Variants in CORO1C observed in about 807,000 individuals in gnomAD.
CORO1C encodes coronin 1C, also known as coronin-1C.
Under a neutral mutation model 51.2 loss-of-function variants are expected in CORO1C, and 14 were observed. That is an observed-to-expected ratio of 0.27 (90% confidence interval 0.18 to 0.43). CORO1C has a LOEUF of 0.43. Ranked by LOEUF, CORO1C falls within the 20% of genes least tolerant of loss-of-function variation. The pLI, the probability that CORO1C is intolerant of heterozygous loss-of-function variation, is 1.00. For missense variants in CORO1C, 417 were observed against 607.8 expected, an observed-to-expected ratio of 0.69 and a Z score of 3.30; for synonymous variants, 181 against 210.5, an observed-to-expected ratio of 0.86 and a Z score of 1.21.
chr12:108,648,979 A>G lies in CORO1C; in HGVS notation c.1043T>C (p.Met348Thr). 6.2e-7 allele frequency: 1 copy of G among 1,614,208 alleles called. No homozygotes were observed. The highest frequency in any genetic ancestry group is 8.5e-7 in the Non-Finnish European group (1 of 1,180,038). The change falls in exon 9 of 11, where the codon ATG (methionine) becomes ACG (threonine). Residue 348 changes from methionine to threonine, a missense_variant. Coordinates refer to ENST00000261401, the MANE Select transcript of CORO1C (RefSeq NM_014325.4). ...LHERKCEPIIMTVPRKSDLFQ... is the reference protein window; with the variant it reads ...LHERKCEPIITTVPRKSDLFQ... ...AGCACTCACCTTCCTGGGAACAGTCATAATAATAGGTTCACACTTTCTCTC... is the reference window on the plus strand; with the variant it reads ...AGCACTCACCTTCCTGGGAACAGTCGTAATAATAGGTTCACACTTTCTCTC...
chr12:108,711,457 A>G (rs1361468306), intron 1 of CORO1C, among the ~76,000 whole-genome samples: 1 of 152,158 alleles, frequency 6.6e-6, no homozygotes, highest in Admixed American at 6.5e-5. Context: ...AGACAAGTGG[A>G]TCGCCTGAGG....
chr12:108,655,733 C>T (rs2032933625), intron 6 of CORO1C, among the ~76,000 whole-genome samples: 2 of 152,134 alleles, frequency 1.3e-5, no homozygotes, highest in Admixed American at 6.5e-5. Context: ...CTAGCTACAA[C>T]CTCCACCTCC....
At position 108,678,536 on chromosome 12, in the gene CORO1C, T is replaced by G. The variant is rs976789094; in HGVS notation, c.196-142A>C. ...TGACATCGTATAGTCAATATCAACT[T>G]TCACTTCTAGAAAAAGCCACTACCA... On this transcript the variant is annotated intron_variant, in intron 2 of 10. Coordinates refer to ENST00000261401, the MANE Select transcript of CORO1C (RefSeq NM_014325.4). 5 of 633,398 alleles carry G rather than the reference T, an allele frequency of 7.9e-6. No homozygotes were observed. The African/African-American group carries it at 9.4e-5, about 12-fold the overall frequency. The allele number at this position is 633,398 out of a possible 1,614,324, so 39.2% of individuals were successfully genotyped here.
At chr12:108,679,137 G>GAA (rs2034028973) in intron 2 of CORO1C, among the ~76,000 whole-genome samples, 1 of 38,560 alleles carries the variant, frequency 2.6e-5, no homozygotes, top group African/African-American at 1.0e-4. Flanking sequence ...AAAGAAACAA[G>GAA]AAAAAAGAAA....
rs374244314 is a variant in CORO1C, at chr12:108,662,011, G to A, written c.448+18C>T. 17 of 1,613,738 alleles carry A rather than the reference G, an allele frequency of 1.1e-5. No individual in the cohort carries two copies. The highest frequency in any genetic ancestry group is 2.7e-5 in the African/African-American group (2 of 74,894). On this transcript the variant is annotated intron_variant, in intron 4 of 10. Transcript: ENST00000261401. ...AAGAGTGGAAGACAAGGGGAGGACCGCTGAGCTCAGCTCCCACCTGCACTA... is the reference window on the plus strand; with the variant it reads ...AAGAGTGGAAGACAAGGGGAGGACCACTGAGCTCAGCTCCCACCTGCACTA...
chr12:108,673,228 G>A (rs1475588887), intron 3 of CORO1C, among the ~76,000 whole-genome samples: 2 of 152,132 alleles, frequency 1.3e-5, no homozygotes, highest in South Asian at 2.1e-4. Flanking sequence ...ACACATGAAT[G>A]ATAAAAAAGC....
rs748283648 is a variant in CORO1C at position 108,652,373 on chromosome 12, C to T, written c.900G>A (p.Pro300=). The T allele has an allele frequency of 6.2e-6, 10 of 1,613,670 alleles. No homozygotes were observed. Among genetic ancestry groups the T allele is most frequent in the South Asian group, 3.3e-5 (3 of 91,070 alleles). The part of the protein sequence containing the change: ...IRYFEITDES[P]YVHYLNTFSS... ...TGAATGTGTTGAGGTAGTGGACGTACGGGGATTCATCCGTGATCTCAAAAT... is the reference window on the plus strand; with the variant it reads ...TGAATGTGTTGAGGTAGTGGACGTATGGGGATTCATCCGTGATCTCAAAAT... Residue 300 remains proline, a synonymous_variant, in exon 8 of 11, where the codon CCG becomes CCA. Coordinates refer to ENST00000261401, the MANE Select transcript of CORO1C (RefSeq NM_014325.4).
intron 3 of CORO1C, among the ~76,000 whole-genome samples, chr12:108,669,264 A>C (rs1414117285): frequency 2.0e-5 from 3 of 152,228 alleles, no homozygotes; most frequent in African/African-American, 7.2e-5. Flanking sequence ...AAGTAATACA[A>C]AAAGCAGTTT....
chr12:108,650,180 CTTT>C (rs1057367204), intron 8 of CORO1C, among the ~76,000 whole-genome samples: 13 of 80,442 alleles, frequency 1.6e-4, no homozygotes, highest in South Asian at 5.8e-4. Context: ...AACCAAAAAC[CTTT>C]TTTTTTTTTT....
chr12:108,665,317 G>T (rs2033431438), intron 3 of CORO1C, among the ~76,000 whole-genome samples: 1 of 152,112 alleles, frequency 6.6e-6, no homozygotes, highest in African/African-American at 2.4e-5. Flanking sequence ...CTCACCTCCA[G>T]CTGGTTTAAC....
intron 1 of CORO1C, chr12:108,703,149 CA>C (rs2034927754): frequency 2.1e-6 from 1 of 478,338 alleles, no homozygotes; most frequent in Non-Finnish European, 3.7e-6. Context: ...CAACCATCTG[CA>C]ACCATCTGTA....
chr12:108,680,042 C>T (rs2034068233), intron 2 of CORO1C, among the ~76,000 whole-genome samples: 1 of 152,232 alleles, frequency 6.6e-6, no homozygotes, highest in African/African-American at 2.4e-5. Flanking sequence ...CAATAATTTA[C>T]TCCATCATTA....
At chr12:108,662,006 G>C in intron 4 of CORO1C, 23 bp downstream of exon 4, 1 of 1,613,916 alleles carries the variant, frequency 6.2e-7, no homozygotes, top group South Asian at 1.1e-5. Flanking sequence ...GACAAGGGGA[G>C]GACCGCTGAG....
At chr12:108,648,525 C>T in intron 10 of CORO1C, 80 bp downstream of exon 10, 2 of 1,586,098 alleles carry the variant, frequency 1.3e-6, no homozygotes, top group Non-Finnish European at 1.7e-6. Context: ...ACAGTACTCG[C>T]CGACGCCCTG....
intron 2 of CORO1C, among the ~76,000 whole-genome samples, chr12:108,688,185 A>G (rs1296102282): frequency 6.6e-6 from 1 of 152,112 alleles, no homozygotes; most frequent in African/African-American, 2.4e-5. Flanking sequence ...TGCTGAGATT[A>G]CAGGTGTGAG....
rs144130421 is a variant in CORO1C at position 108,677,792 on chromosome 12, G to A, written c.318+480C>T. Among the ~76,000 whole-genome samples the A allele has an allele frequency of 4.6e-4, 70 of 152,320 alleles. No homozygotes were observed. The South Asian group carries it at 5.8e-3, about 13-fold the overall frequency. On this transcript the variant is annotated intron_variant, in intron 3 of 10. Coordinates refer to ENST00000261401, the MANE Select transcript of CORO1C (RefSeq NM_014325.4). ...CCAGCACTTTGGGAGGCCGAGGCAG[G>A]CGGATCACTTGAGGTCAGGAGTTCG...
chr12:108,693,974 T>G (rs1184312225), intron 2 of CORO1C, among the ~76,000 whole-genome samples: 1 of 151,984 alleles, frequency 6.6e-6, no homozygotes, highest in Non-Finnish European at 1.5e-5. Flanking sequence ...CCTGGAGAGA[T>G]CAAGCACAGT....
intron 1 of CORO1C, among the ~76,000 whole-genome samples, chr12:108,729,597 T>C (rs2035668567): frequency 6.6e-6 from 1 of 152,352 alleles, no homozygotes; most frequent in Non-Finnish European, 1.5e-5. Flanking sequence ...CTCAGTTTTA[T>C]TTCACTTTTT....
intron 3 of CORO1C, among the ~76,000 whole-genome samples, chr12:108,671,020 T>A (rs1466113306): frequency 5.5e-5 from 8 of 144,906 alleles, no homozygotes; most frequent in Non-Finnish European, 1.2e-4. Context: ...TAATAAAGTC[T>A]AAAAAAAAAG....
Sources: allele counts gnomAD v4.1 joint callset (sites outside exome capture counted in the v4.1 genomes callset), GRCh38; gene constraint gnomAD v4.1.1; transcripts MANE v1.5; gene names NCBI Gene and HGNC (gene_info 2026-07-23, HGNC 2026-07-21).